Variants in CFAP69 observed in about 807,000 individuals in gnomAD.
CFAP69 encodes the protein cilia and flagella associated protein 69.
A neutral mutation model predicts 123.0 loss-of-function variants in CFAP69; 92 were observed. The observed-to-expected ratio is 0.75, with a 90% confidence interval of 0.63 to 0.89. The LOEUF (loss-of-function observed/expected upper bound fraction) is 0.89. Ranked by LOEUF, CFAP69 falls within the 40% of genes least tolerant of loss-of-function variation. The pLI is 0.00. For missense variants in CFAP69, 1,067 were observed against 1,096.9 expected, an observed-to-expected ratio of 0.97 and a Z score of 0.39; for synonymous variants, 380 against 364.3, an observed-to-expected ratio of 1.04 and a Z score of -0.49.
intron 1 of CFAP69, among the ~76,000 whole-genome samples, chr7:90,246,285 A>G (rs911058997): frequency 6.6e-6 from 1 of 152,114 alleles, no homozygotes; most frequent in East Asian, 1.9e-4. Flanking sequence ...TTTGTTTCCT[A>G]CTAGGATTCC....
intron 17 of CFAP69, 156 bp from the exon 18 acceptor site, chr7:90,303,813 A>G: frequency 2.5e-6 from 3 of 1,206,166 alleles, no homozygotes; most frequent in Admixed American, 4.1e-5. Context: ...CTGCTTAATT[A>G]TTATTTCAAA....
chr7:90,245,253 G>C lies in CFAP69; in HGVS notation c.-172G>C. The C allele has an allele frequency of 1.2e-6, 1 of 814,858 alleles. No homozygotes were observed. Among genetic ancestry groups the C allele is most frequent in the Non-Finnish European group, 1.7e-6 (1 of 577,846 alleles). The allele number at this position is 814,858 out of a possible 1,614,324, so 50.5% of individuals were successfully genotyped here. ...CTGGGGGGCGGCAGCGGCGCTAAGC[G>C]GACTGTATGGCGGTGGCCTAGGCCC... is the stretch of plus-strand genomic sequence containing the variant. On this transcript the variant is annotated 5_prime_UTR_variant, in exon 1 of 23. Transcript: ENST00000389297.
At position 90,307,842 on chromosome 7, in the gene CFAP69, T is replaced by C; in HGVS notation, c.2538T>C (p.Ala846=). 2 of 1,607,950 alleles carry C rather than the reference T, an allele frequency of 1.2e-6. No individual in the cohort carries two copies. ...ATTTCTTGGCTAGAACATCAAACGC[T>C]AAAACGTTAAAGGTAGGATTTTTAA... is the stretch of plus-strand genomic sequence containing the variant. ...WEDFLARTSN[A]KTLKKAKSLQ... The change falls in exon 21 of 23, where the codon GCT becomes GCC. Residue 846 remains alanine (A), a synonymous_variant. Coordinates refer to ENST00000389297, the MANE Select transcript of CFAP69 (RefSeq NM_001039706.3).
At chr7:90,318,006 T>C in the CFAP69 span, 3 of 152,204 alleles carry the variant, frequency 2.0e-5, no homozygotes, top group Admixed American at 6.5e-5. Flanking sequence ...GTTTTTCTTA[T>C]AAGCATGTGA....
chr7:90,315,427 A>G (rs1364856027), downstream of CFAP69, among the ~76,000 whole-genome samples: 1 of 152,234 alleles, frequency 6.6e-6, no homozygotes, highest in Non-Finnish European at 1.5e-5. Flanking sequence ...GCAGCCATAA[A>G]AAGAATGAGA....
intron 5 of CFAP69, among the ~76,000 whole-genome samples, chr7:90,265,867 GA>G (rs1490181186): frequency 3.9e-5 from 6 of 152,054 alleles, no homozygotes; most frequent in African/African-American, 1.4e-4. Flanking sequence ...ACAAAAATAT[GA>G]AAAATATCAT....
chr7:90,256,495 C>T (rs1279328500), intron 2 of CFAP69, among the ~76,000 whole-genome samples: 1 of 150,552 alleles, frequency 6.6e-6, no homozygotes, highest in Non-Finnish European at 1.5e-5. Context: ...CCTTCACATT[C>T]TGCATGTGTA....
chr7:90,277,217 A>C lies in CFAP69; in HGVS notation c.1038A>C (p.Lys346Asn), dbSNP rs182602036. The C allele has an allele frequency of 1.1e-5, 18 of 1,586,734 alleles. No individual in the cohort carries two copies. Among genetic ancestry groups the C allele is most frequent in the Non-Finnish European group, 1.4e-5 (16 of 1,171,082 alleles). The stretch of plus-strand genomic sequence containing the variant: ...TTTACTTTTTTTCCCTCACAGTTAA[A>C]AGTCAAAATCTTTTGGTAAAAGGAC... ...LILFATFNEV[K>N]SQNLLVKGLK... The change falls in exon 11 of 23, where the codon AAA (lysine) becomes AAC (asparagine). Residue 346 changes from lysine (K) to asparagine (N), a missense_variant. By Grantham distance (94) the Lys-to-Asn change is moderately conservative. Transcript: ENST00000389297.
intron 20 of CFAP69, among the ~76,000 whole-genome samples, chr7:90,307,306 C>T (rs1000227628): frequency 6.6e-6 from 1 of 152,074 alleles, no homozygotes; most frequent in Non-Finnish European, 1.5e-5. Context: ...ATGGATATCC[C>T]AATTACCCTG....
Position 90,298,004 on chromosome 7 carries a change from A to C in CFAP69, c.1857+174A>C, listed in dbSNP as rs146560853. On this transcript the variant is annotated intron_variant, in intron 16 of 22. Coordinates refer to ENST00000389297, the MANE Select transcript of CFAP69 (RefSeq NM_001039706.3). ...AAATTCATAATACACAGTGTTTTAA[A>C]GGCTCTGAAAATTCCTCTGGTTGGA... is the stretch of plus-strand genomic sequence containing the variant. Among the ~76,000 whole-genome samples, 385 of 152,358 alleles carry C rather than the reference A, an allele frequency of 2.5e-3. 1 individual carries two copies. Among genetic ancestry groups the C allele is most frequent in the East Asian group, 0.021 (110 of 5,188 alleles).
At chr7:90,255,332 C>A in intron 1 of CFAP69, 91 bp from the exon 2 acceptor site, 1 of 1,003,980 alleles carries the variant, frequency 1.0e-6, no homozygotes, top group Non-Finnish European at 1.5e-6. Flanking sequence ...TTTTAAGTTA[C>A]CAAGGGAAAG....
At chr7:90,293,571 T>G (rs1584496563) in intron 15 of CFAP69, among the ~76,000 whole-genome samples, 1 of 152,132 alleles carries the variant, frequency 6.6e-6, no homozygotes, top group African/African-American at 2.4e-5. Context: ...TACCCTTTAA[T>G]GTAGGAAAAA....
chr7:90,259,013 T>C (rs1265050680), intron 3 of CFAP69, among the ~76,000 whole-genome samples: 2 of 152,234 alleles, frequency 1.3e-5, no homozygotes, highest in African/African-American at 4.8e-5. Context: ...TGAGATCATG[T>C]ACATCCAAGT....
At chr7:90,280,767 A>G (rs945104107) in intron 12 of CFAP69, among the ~76,000 whole-genome samples, 3 of 152,214 alleles carry the variant, frequency 2.0e-5, no homozygotes, top group African/African-American at 7.2e-5. Context: ...AAAGTTTTAT[A>G]AGGAAGATAT....
intron 4 of CFAP69, 73 bp downstream of exon 4, chr7:90,262,129 T>C: frequency 3.2e-6 from 3 of 941,762 alleles, no homozygotes; most frequent in Non-Finnish European, 4.9e-6. Context: ...ATCACAAACA[T>C]ACTATGCATT....
At chr7:90,288,185 A>T (rs954541899) in intron 14 of CFAP69, 49 bp from the exon 15 acceptor site, 1 of 1,456,036 alleles carries the variant, frequency 6.9e-7, no homozygotes, top group Admixed American at 1.7e-5. Flanking sequence ...GAAAGGGAGG[A>T]ATTATTTATT....
At chr7:90,303,883 A>T (rs1793173005) in intron 17 of CFAP69, 86 bp from the exon 18 acceptor site, 2 of 1,389,554 alleles carry the variant, frequency 1.4e-6, no homozygotes, top group Non-Finnish European at 1.9e-6. Context: ...ATTTTATGTT[A>T]TCTAGACTAA....
At chr7:90,289,197 C>A (rs1790743315) in intron 15 of CFAP69, among the ~76,000 whole-genome samples, 2 of 151,854 alleles carry the variant, frequency 1.3e-5, no homozygotes, top group African/African-American at 4.8e-5. Context: ...CAGATCTGGG[C>A]ATTTTTACGT....
In CFAP69 at chr7:90,304,052, A is replaced by G. The variant is rs1793198602; in HGVS notation, c.2134A>G (p.Met712Val). Residue 712 changes from methionine (M) to valine (V), a missense_variant, in exon 18 of 23, where the codon ATG (methionine) becomes GTG (valine). Coordinates refer to ENST00000389297, the MANE Select transcript of CFAP69 (RefSeq NM_001039706.3). ...TGCTAACTGCCCATCTATTGCGGTT[A>G]TGGATGTTTCTGAGAATATTAGAGC... ...LPANCPSIAVMDVSENIRAKI... is the reference protein window; with the variant it reads ...LPANCPSIAVVDVSENIRAKI... 2.6e-6 allele frequency: 4 copies of G among 1,551,250 alleles called. No homozygotes were observed. Among genetic ancestry groups the G allele is most frequent in the Non-Finnish European group, 2.6e-6 (3 of 1,146,708 alleles).
Sources: allele counts gnomAD v4.1 joint callset (sites outside exome capture counted in the v4.1 genomes callset), GRCh38; gene constraint gnomAD v4.1.1; transcripts MANE v1.5; gene names NCBI Gene and HGNC (gene_info 2026-07-23, HGNC 2026-07-21).